Variants in ZFHX3 observed in about 807,000 individuals in gnomAD.
ZFHX3 encodes the protein zinc finger homeobox 3.
A neutral mutation model predicts 279.1 loss-of-function variants in ZFHX3; 42 were observed. That is an observed-to-expected ratio of 0.15 (90% CI 0.12 to 0.19). The LOEUF (loss-of-function observed/expected upper bound fraction) is 0.19. Ranked by LOEUF, ZFHX3 falls within the 10% of genes least tolerant of loss-of-function variation. The pLI is 1.00. For missense variants in ZFHX3, 4,981 were observed against 4,754.0 expected (o/e 1.05, Z -1.40); for synonymous variants, 2,293 against 1,957.8 (o/e 1.17, Z -4.52).
intron 3 of ZFHX3, among the ~76,000 whole-genome samples, chr16:73,439,434 G>A (rs1328064317): frequency 2.0e-5 from 3 of 151,906 alleles, no homozygotes; most frequent in Non-Finnish European, 4.4e-5. Flanking sequence ...TCACGGACAT[G>A]GAATCCTCCA....
intron 7 of ZFHX3, chr16:73,127,385 T>G (rs955381254): frequency 7.7e-7 from 1 of 1,305,424 alleles, no homozygotes. Flanking sequence ...GGCTGCTAAC[T>G]AAATATTTTT....
intron 8 of ZFHX3, among the ~76,000 whole-genome samples, chr16:73,068,853 G>A (rs1478172786): frequency 2.6e-5 from 4 of 152,236 alleles, no homozygotes; most frequent in Non-Finnish European, 5.9e-5. Flanking sequence ...GGCTGTGGGT[G>A]GGGCAGCTCC....
intron 2 of ZFHX3, among the ~76,000 whole-genome samples, chr16:73,555,899 G>A (rs2020274815): frequency 2.0e-5 from 3 of 152,140 alleles, no homozygotes; most frequent in South Asian, 4.1e-4. Flanking sequence ...CATATGGGAG[G>A]GGGCCCAAAG....
intron 2 of ZFHX3, among the ~76,000 whole-genome samples, chr16:73,489,691 C>T (rs1268136087): frequency 6.6e-6 from 1 of 152,080 alleles, no homozygotes; most frequent in African/African-American, 2.4e-5. Flanking sequence ...ATAATCTCTC[C>T]TTACTTTTTT....
intron 3 of ZFHX3, among the ~76,000 whole-genome samples, chr16:73,411,358 T>G (rs1340551398): frequency 6.6e-6 from 1 of 152,276 alleles, no homozygotes; most frequent in African/African-American, 2.4e-5. Flanking sequence ...CTTTGAAATA[T>G]GCACATAAAC....
intron 3 of ZFHX3, among the ~76,000 whole-genome samples, chr16:72,891,570 T>C (rs1222501185): frequency 6.6e-6 from 1 of 152,180 alleles, no homozygotes; most frequent in Non-Finnish European, 1.5e-5. Context: ...ATTCTTCCAC[T>C]GGGTACACAT....
At chr16:73,324,238 G>C (rs181226105) in intron 3 of ZFHX3, among the ~76,000 whole-genome samples, 3 of 152,136 alleles carry the variant, frequency 2.0e-5, no homozygotes, top group South Asian at 2.1e-4. Flanking sequence ...TTGCTGGATT[G>C]TTTTTTTTCC....
At chr16:73,426,882 C>G (rs1455880456) in intron 3 of ZFHX3, among the ~76,000 whole-genome samples, 1 of 152,138 alleles carries the variant, frequency 6.6e-6, no homozygotes, top group Non-Finnish European at 1.5e-5. Context: ...TTTTCCTTCC[C>G]CGAGTTCTGC....
At chr16:73,416,831 G>A (rs62042250) in intron 3 of ZFHX3, among the ~76,000 whole-genome samples, 16,427 of 150,384 alleles carry the variant, frequency 0.11, 1,316 homozygotes, top group Middle Eastern at 0.16. Context: ...CCGAGATCGC[G>A]CCACTGCACT....
In ZFHX3 at chr16:72,957,529, G is replaced by A; in HGVS notation, c.2617C>T (p.Pro873Ser). 1 of 1,614,220 alleles carries A rather than the reference G, an allele frequency of 6.2e-7. No homozygotes were observed. Among genetic ancestry groups the A allele is most frequent in the Non-Finnish European group, 8.5e-7 (1 of 1,180,050 alleles). The change falls in exon 2 of 10, where the codon CCC becomes TCC. Residue 873 changes from proline to serine, a missense_variant. Pro to Ser is a moderately conservative substitution (Grantham distance 74). Coordinates refer to ENST00000268489, the MANE Select transcript of ZFHX3 (RefSeq NM_006885.4). The stretch of plus-strand genomic sequence containing the variant: ...GCAGCACTGTCCATCTTCAGGTTGG[G>A]CAGGTTCATGTTCTGGGCCAGGTAG... ...QYYLAQNMNL[P>S]NLKMDSAASD...
At chr16:73,353,563 G>A (rs968192991) in intron 3 of ZFHX3, among the ~76,000 whole-genome samples, 2 of 152,192 alleles carry the variant, frequency 1.3e-5, no homozygotes, top group Admixed American at 6.5e-5. Context: ...GGAAACGAAG[G>A]CACAGAGAGG....
chr16:73,461,142 C>T (rs138311038), intron 2 of ZFHX3, among the ~76,000 whole-genome samples: 29 of 152,186 alleles, frequency 1.9e-4, no homozygotes, highest in African/African-American at 6.5e-4. Flanking sequence ...ATTTATGTTT[C>T]CCAAATAGCT....
chr16:72,950,982 A>G lies in ZFHX3; in HGVS notation c.2720-17T>C, dbSNP rs1960969397. ...CACCGCCCACTGCAGGGAAGGAGAG[A>G]AGGAGAGAGTCAGACACCAGGCTCA... is the stretch of plus-strand genomic sequence containing the variant. On this transcript the variant is annotated splice_polypyrimidine_tract_variant and intron_variant, in intron 2 of 9. Transcript: ENST00000268489. 18 of 1,603,434 alleles carry G rather than the reference A, an allele frequency of 1.1e-5. No homozygotes were observed. The highest frequency in any genetic ancestry group is 1.5e-5 in the Non-Finnish European group (18 of 1,172,408).
intron 1 of ZFHX3, among the ~76,000 whole-genome samples, chr16:73,799,540 T>C (rs1177453543): frequency 6.6e-6 from 1 of 152,094 alleles, no homozygotes; most frequent in Non-Finnish European, 1.5e-5. Context: ...GTACCCAGGC[T>C]CCTGGTGCAC....
chr16:73,368,853 A>T (rs1277333349), intron 3 of ZFHX3, among the ~76,000 whole-genome samples: 1 of 152,216 alleles, frequency 6.6e-6, no homozygotes, highest in Non-Finnish European at 1.5e-5. Flanking sequence ...TACCAGCCCC[A>T]TTTTACTGGT....
chr16:73,797,807 CTTT>C (rs35369374), intron 1 of ZFHX3, among the ~76,000 whole-genome samples: 2,398 of 82,804 alleles, frequency 0.029, 18 homozygotes, highest in African/African-American at 0.073. Context: ...CTTCTGAAGA[CTTT>C]TTTTTTTTTT....
chr16:73,522,023 T>A (rs933284999), intron 2 of ZFHX3, among the ~76,000 whole-genome samples: 2 of 152,240 alleles, frequency 1.3e-5, no homozygotes, highest in Non-Finnish European at 2.9e-5. Context: ...CTTGGTTATC[T>A]AATGATGCAC....
intron 1 of ZFHX3, among the ~76,000 whole-genome samples, chr16:73,700,101 T>C (rs1440809701): frequency 6.6e-6 from 1 of 152,012 alleles, no homozygotes; most frequent in Non-Finnish European, 1.5e-5. Flanking sequence ...CACACACTTA[T>C]GGTCTCAGCT....
At chr16:73,075,644 T>G (rs1314533764) in intron 8 of ZFHX3, among the ~76,000 whole-genome samples, 2 of 152,034 alleles carry the variant, frequency 1.3e-5, no homozygotes, top group Non-Finnish European at 2.9e-5. Context: ...AAGACTTTTT[T>G]TTTTTTTGAG....
Sources: allele counts gnomAD v4.1 joint callset (sites outside exome capture counted in the v4.1 genomes callset), GRCh38; gene constraint gnomAD v4.1.1; transcripts MANE v1.5; gene names NCBI Gene and HGNC (gene_info 2026-07-23, HGNC 2026-07-21).